HNRNPL: variants seen among roughly 807,000 people sequenced by gnomAD.
HNRNPL encodes the protein heterogeneous nuclear ribonucleoprotein L, also known as epididymis secretory sperm binding protein.
A neutral mutation model predicts 64.0 loss-of-function variants in HNRNPL; 12 were observed. The observed-to-expected ratio is 0.19, with a 90% CI of 0.12 to 0.30. The LOEUF (loss-of-function observed/expected upper bound fraction) is 0.30, where lower values mean the gene tolerates loss of function less well. Among genes scored for constraint, HNRNPL ranks in the 10% least tolerant of loss-of-function variants. HNRNPL has a pLI of 1.00. For missense variants in HNRNPL, 484 were observed against 797.4 expected, an observed-to-expected ratio of 0.61 and a Z score of 4.73; for synonymous variants, 385 against 313.0, an observed-to-expected ratio of 1.23 and a Z score of -2.43.
intron 6 of HNRNPL, 26 bp downstream of exon 6, chr19:38,843,816 T>A (rs1568371312): frequency 1.3e-6 from 2 of 1,594,862 alleles, no homozygotes; most frequent in Admixed American, 1.7e-5. Context: ...CGGGTATGTT[T>A]AGAACAAAGT....
chr19:38,849,891 G>GCTGCTCGTCCGGCTGCTGCCT lies in HNRNPL; in HGVS notation c.55_75dup (p.Gln20_Arg26dup). ...TTCACCATCGCTCCCGACCGCCTCC[G>GCTGCTCGTCCGGCTGCTGCCT]CTGCTCGTCCGGCTGCTGCCTCTGC... On this transcript the variant is annotated inframe_insertion, in exon 1 of 13. Coordinates refer to ENST00000221419, the MANE Select transcript of HNRNPL (RefSeq NM_001533.3). 1 of 1,252,714 alleles carries GCTGCTCGTCCGGCTGCTGCCT rather than the reference G, an allele frequency of 8.0e-7. No homozygotes were observed. The highest frequency in any genetic ancestry group is 1.1e-6 in the Non-Finnish European group (1 of 891,734). 77.6% of individuals were successfully genotyped at this position (1,252,714 alleles called of 1,614,324 possible).
At chr19:38,848,681 A>G (rs1395974588) in intron 1 of HNRNPL, among the ~76,000 whole-genome samples, 1 of 152,200 alleles carries the variant, frequency 6.6e-6, no homozygotes, top group Non-Finnish European at 1.5e-5. Flanking sequence ...TGGGAGTTCT[A>G]ACTCCAGCCC....
intron 9 of HNRNPL, 38 bp downstream of exon 9, chr19:38,838,856 C>T (rs1249505165): frequency 2.5e-6 from 4 of 1,613,354 alleles, no homozygotes; most frequent in Non-Finnish European, 3.4e-6. Context: ...TTTTCTCTCC[C>T]CTGTACCTCT....
rs1279188237 is a variant in HNRNPL, at chr19:38,838,609, GAAGA to G, written c.1356-15_1356-12del. On this transcript the variant is annotated splice_polypyrimidine_tract_variant and intron_variant, in intron 9 of 12. Coordinates refer to ENST00000221419, the MANE Select transcript of HNRNPL (RefSeq NM_001533.3). ...GGCTGCTTGGAGACACTGCAGCAAG[GAAGA>G]AAGGGGAGCCTTTGTCATACCCAAA... 1.2e-6 allele frequency: 2 copies of G among 1,611,448 alleles called. No homozygotes were observed.
In HNRNPL at chr19:38,845,607, G is replaced by C. The variant is rs370300754; in HGVS notation, c.710+43C>G. On this transcript the variant is annotated intron_variant, in intron 4 of 12. Coordinates refer to ENST00000221419, the MANE Select transcript of HNRNPL (RefSeq NM_001533.3). ...GAATGGCCACTGTCAAGCCCTGCAA[G>C]AGTCCCTACCCTAAGGAACACCTGT... 7 of 1,498,500 alleles carry C rather than the reference G, an allele frequency of 4.7e-6. No homozygotes were observed. The African/African-American group carries it at 5.5e-5, about 12-fold the overall frequency. 92.8% of individuals were successfully genotyped at this position (1,498,500 alleles called of 1,614,324 possible). A position where few individuals can be genotyped will look rare whatever the true frequency, so the allele number is the denominator to read the frequency against.
At position 38,836,725 on chromosome 19, in the gene HNRNPL, G is replaced by A. The variant is rs768861032; in HGVS notation, c.1767C>T (p.Ser589=). Residue 589 remains serine, a synonymous_variant, in exon 13 of 13, where the codon TCC becomes TCT. Coordinates refer to ENST00000221419, the MANE Select transcript of HNRNPL (RefSeq NM_001533.3). ...KLCFSTAQHA[S] ...GGGACTCTTCCTAGGCACCTAATTA[G>A]GAGGCGTGCTGAGCAGTGGAGAAAC... 3.7e-6 allele frequency: 6 copies of A among 1,607,658 alleles called. No individual in the cohort carries two copies. The South Asian group carries it at 6.6e-5, about 18-fold the overall frequency.
intron 4 of HNRNPL, 86 bp from the exon 5 acceptor site, chr19:38,844,190 C>A (rs2278012): frequency 2.1e-5 from 18 of 852,672 alleles, no homozygotes; most frequent in Non-Finnish European, 3.6e-5. Flanking sequence ...GACAAGGTAG[C>A]ACCCCAAGAC....
chr19:38,840,537 G>A lies in HNRNPL; in HGVS notation c.903C>T (p.Asn301=), dbSNP rs138342994. The A allele has an allele frequency of 1.8e-5, 28 of 1,591,264 alleles. No homozygotes were observed. In the East Asian group the frequency reaches 4.8e-4, roughly 27 times the overall value. The change falls in exon 7 of 13, where the codon AAC becomes AAT. Residue 301 remains asparagine (N), a synonymous_variant. Transcript: ENST00000221419. ...GGAGAGGGGGCTGCCTCTGGCGTTTGTTGGGGTTGCTGCCAGGGTCACCTG... is the reference window on the plus strand; with the variant it reads ...GGAGAGGGGGCTGCCTCTGGCGTTTATTGGGGTTGCTGCCAGGGTCACCTG... The part of the protein sequence containing the change: ...SGQGDPGSNP[N]KRQRQPPLLG...
chr19:38,846,446 G>A (rs1972298608), intron 2 of HNRNPL, among the ~76,000 whole-genome samples: 2 of 152,306 alleles, frequency 1.3e-5, no homozygotes, highest in Middle Eastern at 3.4e-3. Context: ...TATATAGCAT[G>A]CACCAAATAT....
At chr19:38,849,653 T>C (rs758524026) in intron 1 of HNRNPL, 47 bp downstream of exon 1, 1 of 1,302,036 alleles carries the variant, frequency 7.7e-7, no homozygotes, top group Admixed American at 3.6e-5. Context: ...GCTGGGAAAT[T>C]GTCCCCCAGT....
At chr19:38,846,306 T>G (rs527679341) in intron 2 of HNRNPL, among the ~76,000 whole-genome samples, 4 of 152,172 alleles carry the variant, frequency 2.6e-5, no homozygotes, top group Non-Finnish European at 4.4e-5. Context: ...CTTCCTGACC[T>G]CTCCTCACCA....
Position 38,847,396 on chromosome 19 carries a change from TG to T in HNRNPL, c.305del (p.Pro102GlnfsTer8). On this transcript the variant is annotated frameshift_variant, in exon 2 of 13. Transcript: ENST00000221419. LOFTEE classifies it high-confidence loss of function. ...YDDPHKTPASPVVHIRGLIDG... is the reference protein window; with the variant it reads ...YDDPHKTPASXVVHIRGLIDG... The stretch of plus-strand genomic sequence containing the variant: ...CAATCAGGCCCCTGATGTGGACAAC[TG>T]GGGAGGCAGGGGTTTTGTGCGGGTC... 2 of 1,558,574 alleles carry T rather than the reference TG, an allele frequency of 1.3e-6. No homozygotes were observed. Among genetic ancestry groups the T allele is most frequent in the Middle Eastern group, 1.7e-4 (1 of 5,886 alleles).
chr19:38,850,143 T>C, upstream of HNRNPL: 1 of 503,458 alleles, frequency 2.0e-6, no homozygotes, highest in Non-Finnish European at 3.4e-6. Flanking sequence ...GGCCCGCCCT[T>C]GTTTGTCTGA....
intron 1 of HNRNPL, among the ~76,000 whole-genome samples, chr19:38,848,628 C>T (rs934103014): frequency 1.3e-5 from 2 of 152,218 alleles, no homozygotes; most frequent in Non-Finnish European, 2.9e-5. Flanking sequence ...TCCACGCGAA[C>T]CACAGGGTGA....
intron 1 of HNRNPL, among the ~76,000 whole-genome samples, chr19:38,848,173 C>G (rs1242578208): frequency 6.6e-6 from 1 of 152,232 alleles, no homozygotes; most frequent in East Asian, 1.9e-4. Context: ...CCACTGCAAC[C>G]TCCGCCTCCC....
At chr19:38,849,590 G>C (rs932023753) in intron 1 of HNRNPL, 110 bp downstream of exon 1, 2 of 1,255,880 alleles carry the variant, frequency 1.6e-6, no homozygotes, top group Admixed American at 3.6e-5. Flanking sequence ...TCAACGACGC[G>C]ATGGCCTGGG....
rs570455529 is a variant in HNRNPL, at chr19:38,849,571, C to T, written c.267+129G>A. On this transcript the variant is annotated intron_variant, in intron 1 of 12. Transcript: ENST00000221419. ...CCGTTTGCCCAACGGCCGCCCCTCC[C>T]CCACACCGTCAACGACGCGATGGCC... 3.9e-5 allele frequency: 47 copies of T among 1,214,870 alleles called. No homozygotes were observed. In the African/African-American group the frequency reaches 6.6e-4, roughly 17 times the overall value. 75.3% of individuals were successfully genotyped at this position (1,214,870 alleles called of 1,614,324 possible).
At chr19:38,851,532 G>T (rs561627733), upstream of HNRNPL, among the ~76,000 whole-genome samples, 4 of 152,340 alleles carry the variant, frequency 2.6e-5, no homozygotes, top group African/African-American at 9.6e-5. Context: ...CGCGGCGGAC[G>T]CCCCAAAAGT....
chr19:38,839,926 A>C (rs1345929912), intron 8 of HNRNPL, among the ~76,000 whole-genome samples, 170 bp downstream of exon 8: 1 of 152,182 alleles, frequency 6.6e-6, no homozygotes, highest in African/African-American at 2.4e-5. Flanking sequence ...ACCCACATAC[A>C]GTGAGGACCA....
Sources: gnomAD v4.1 joint callset for allele counts (sites outside exome capture counted in the v4.1 genomes callset) on GRCh38, gnomAD v4.1.1 for gene constraint, MANE v1.5 for transcripts, NCBI Gene and HGNC (gene_info 2026-07-23, HGNC 2026-07-21) for gene names.